PHF14: variants seen among roughly 807,000 people sequenced by gnomAD.
The protein encoded by PHF14 is PHD finger protein 14.
A neutral mutation model predicts 117.9 loss-of-function variants in PHF14; 55 were observed. The ratio of observed to expected loss-of-function variants is 0.47; its 90% CI spans 0.38 to 0.58. The LOEUF is 0.58. Among genes scored for constraint, PHF14 ranks in the 20% least tolerant of loss-of-function variants. PHF14 has a pLI of 0.00. For missense variants in PHF14, 978 were observed against 1,122.2 expected (o/e 0.87, Z 1.84); for synonymous variants, 409 against 368.6 (o/e 1.11, Z -1.26).
At chr7:11,142,598 A>G (rs1332281263) in intron 17 of PHF14, among the ~76,000 whole-genome samples, 1 of 152,110 alleles carries the variant, frequency 6.6e-6, no homozygotes, top group Non-Finnish European at 1.5e-5. Flanking sequence ...GTAAAAAAGC[A>G]GTATTTTATT....
intron 14 of PHF14, among the ~76,000 whole-genome samples, chr7:11,052,740 T>A (rs1784886120): frequency 6.6e-6 from 1 of 152,226 alleles, no homozygotes; most frequent in African/African-American, 2.4e-5. Flanking sequence ...ATATTTTTGG[T>A]AAATTGTATT....
chr7:11,102,756 T>C, intron 16 of PHF14: 1 of 1,391,062 alleles, frequency 7.2e-7, no homozygotes, highest in Non-Finnish European at 9.3e-7. Context: ...TTCCTATTTT[T>C]CTTCTTTTTG....
At chr7:11,144,849 A>G (rs1217006478) in intron 17 of PHF14, among the ~76,000 whole-genome samples, 1 of 151,872 alleles carries the variant, frequency 6.6e-6, no homozygotes, top group African/African-American at 2.4e-5. Context: ...CCAGTCACAA[A>G]AAGACAGATA....
chr7:11,106,668 T>C (rs1583470708), intron 16 of PHF14: 1 of 983,658 alleles, frequency 1.0e-6, no homozygotes, highest in Middle Eastern at 5.2e-4. Context: ...TACCTGTTAA[T>C]AGATTTGCGT....
At chr7:11,038,915 A>C in intron 11 of PHF14, 60 bp downstream of exon 11, 1 of 749,198 alleles carries the variant, frequency 1.3e-6, no homozygotes, top group Non-Finnish European at 2.2e-6. Context: ...ATTTTCAAAG[A>C]ACAGATTTTT....
chr7:10,992,559 A>G (rs1235758608), intron 4 of PHF14, among the ~76,000 whole-genome samples: 3 of 151,998 alleles, frequency 2.0e-5, no homozygotes, highest in African/African-American at 7.2e-5. Flanking sequence ...GTTACTCGAG[A>G]GGCTGAGGCA....
chr7:10,976,769 T>A (rs1781880904), intron 2 of PHF14, among the ~76,000 whole-genome samples: 1 of 151,386 alleles, frequency 6.6e-6, no homozygotes, highest in South Asian at 2.1e-4. Flanking sequence ...TTTGTTAGGT[T>A]GATATATCTA....
intron 16 of PHF14, among the ~76,000 whole-genome samples, chr7:11,099,125 TCTGATGA>T (rs1044701103): frequency 3.3e-4 from 51 of 152,252 alleles, no homozygotes; most frequent in African/African-American, 1.2e-3. Context: ...AAGGTGGTAT[TCTGATGA>T]AATTTAAATT....
chr7:10,999,808 GC>G (rs1485408246), intron 4 of PHF14, among the ~76,000 whole-genome samples: 2 of 152,220 alleles, frequency 1.3e-5, no homozygotes, highest in Non-Finnish European at 2.9e-5. Flanking sequence ...GAGTGGTAAT[GC>G]CAATTAAGTC....
intron 16 of PHF14, chr7:11,103,274 G>A (rs1787151967): frequency 2.3e-6 from 2 of 861,490 alleles, no homozygotes; most frequent in Middle Eastern, 6.0e-4. Context: ...GATATTTTTA[G>A]TAATACCCAA....
chr7:11,000,805 G>T (rs1177957530), intron 4 of PHF14, among the ~76,000 whole-genome samples: 1 of 152,096 alleles, frequency 6.6e-6, no homozygotes, highest in Non-Finnish European at 1.5e-5. Context: ...CTCCCAGTCT[G>T]TAGTTTGTCT....
chr7:10,977,025 G>A (rs1781891861), intron 2 of PHF14, among the ~76,000 whole-genome samples: 1 of 151,568 alleles, frequency 6.6e-6, no homozygotes, highest in South Asian at 2.1e-4. Context: ...TTTGACTCTT[G>A]TTTTAGGTGC....
chr7:11,034,024 G>C (rs1488396596), intron 7 of PHF14, among the ~76,000 whole-genome samples: 1 of 152,162 alleles, frequency 6.6e-6, no homozygotes, highest in Non-Finnish European at 1.5e-5. Context: ...GTAAATGATA[G>C]AGCCAAGATT....
chr7:11,113,762 G>C (rs1368198952), intron 17 of PHF14, among the ~76,000 whole-genome samples: 1 of 152,024 alleles, frequency 6.6e-6, no homozygotes, highest in African/African-American at 2.4e-5. Context: ...AATTTCTGTT[G>C]GCATTTTCTT....
intron 16 of PHF14, among the ~76,000 whole-genome samples, chr7:11,070,407 T>G (rs1785575673): frequency 1.3e-5 from 2 of 152,214 alleles, no homozygotes; most frequent in South Asian, 4.1e-4. Context: ...ATGTATTGAT[T>G]TCATCTCATT....
intron 17 of PHF14, among the ~76,000 whole-genome samples, chr7:11,128,881 G>A (rs1479609137): frequency 2.6e-5 from 4 of 151,090 alleles, no homozygotes; most frequent in Admixed American, 2.0e-4. Flanking sequence ...TTTTCTAGTT[G>A]CCCTACAATC....
chr7:11,079,505 T>C (rs1339869451), intron 16 of PHF14, among the ~76,000 whole-genome samples: 1 of 152,184 alleles, frequency 6.6e-6, no homozygotes, highest in African/African-American at 2.4e-5. Context: ...TAGTAACATT[T>C]CCCTTGATGT....
At chr7:11,107,982 A>G (rs907639007) in intron 16 of PHF14, 3 of 152,104 alleles carry the variant, frequency 2.0e-5, no homozygotes, top group African/African-American at 4.8e-5. Flanking sequence ...AATTTGCAAC[A>G]TAGCTCAGGG....
chr7:11,152,354 G>T (rs1269874532), intron 17 of PHF14, among the ~76,000 whole-genome samples: 1 of 152,136 alleles, frequency 6.6e-6, no homozygotes, highest in Non-Finnish European at 1.5e-5. Flanking sequence ...GTTCCTGAGT[G>T]TCACCAATCT....
Sources: gnomAD v4.1 joint callset for allele counts (sites outside exome capture counted in the v4.1 genomes callset) on GRCh38, gnomAD v4.1.1 for gene constraint, MANE v1.5 for transcripts, NCBI Gene and HGNC (gene_info 2026-07-23, HGNC 2026-07-21) for gene names.